The following PHF24 variants were observed in gnomAD, a reference collection of about 807,000 sequenced individuals.
PHF24 encodes PHD finger protein 24.
PHF24 carries 25 observed loss-of-function variants against 42.6 expected under a neutral mutation model. That is an observed-to-expected ratio of 0.59 (90% CI 0.43 to 0.82). The LOEUF (loss-of-function observed/expected upper bound fraction) is 0.82, where lower values mean the gene tolerates loss of function less well. Among genes scored for constraint, PHF24 ranks in the 40% least tolerant of loss-of-function variants. The pLI is 0.00. For missense variants in PHF24, 470 were observed against 538.1 expected, an observed-to-expected ratio of 0.87 and a Z score of 1.25; for synonymous variants, 185 against 204.8, an observed-to-expected ratio of 0.90 and a Z score of 0.83.
At chr9:34,843,230 T>C in the PHF24 span, among the ~76,000 whole-genome samples, 2 of 152,354 alleles carry the variant, frequency 1.3e-5, no homozygotes, top group Non-Finnish European at 2.9e-5. Context: ...AGCTCTAAAA[T>C]ATTAATGTAA....
At chr9:34,783,209 C>T in the PHF24 span, among the ~76,000 whole-genome samples, 1 of 152,262 alleles carries the variant, frequency 6.6e-6, no homozygotes, top group African/African-American at 2.4e-5. Context: ...GATGCTTCAA[C>T]CAGGACCACC....
chr9:34,796,688 TG>T, the PHF24 span, among the ~76,000 whole-genome samples: 4 of 152,208 alleles, frequency 2.6e-5, no homozygotes, highest in African/African-American at 9.7e-5. Flanking sequence ...GCAGCGCAAC[TG>T]GATCTCTCAT....
the PHF24 span, among the ~76,000 whole-genome samples, chr9:34,759,871 A>T: frequency 6.6e-6 from 1 of 152,176 alleles, no homozygotes; most frequent in Non-Finnish European, 1.5e-5. Flanking sequence ...CTGAGCCAAA[A>T]ATAGTCTCAT....
At chr9:34,919,038 A>G in the PHF24 span, among the ~76,000 whole-genome samples, 1 of 152,204 alleles carries the variant, frequency 6.6e-6, no homozygotes, top group Non-Finnish European at 1.5e-5. Context: ...ATTTAAAAAA[A>G]TTAGCTTATT....
intron 3 of PHF24, among the ~76,000 whole-genome samples, chr9:34,974,623 A>T (rs942997208): frequency 6.6e-6 from 1 of 151,984 alleles, no homozygotes; most frequent in African/African-American, 2.4e-5. Context: ...CCTGTTTCTC[A>T]GGGTTCTGTT....
chr9:34,976,875 A>G, intron 5 of PHF24, 135 bp downstream of exon 5: 1 of 907,834 alleles, frequency 1.1e-6, no homozygotes, highest in Non-Finnish European at 1.7e-6. Flanking sequence ...GGTTCCATCC[A>G]GTGACAGATG....
At chr9:34,952,374 ACC>A in the PHF24 span, among the ~76,000 whole-genome samples, 1 of 152,224 alleles carries the variant, frequency 6.6e-6, no homozygotes, top group Non-Finnish European at 1.5e-5. Flanking sequence ...ATCATAGGTG[ACC>A]TAACTAAATG....
chr9:34,903,248 G>C, the PHF24 span, among the ~76,000 whole-genome samples: 2 of 152,324 alleles, frequency 1.3e-5, no homozygotes, highest in East Asian at 3.9e-4. Context: ...TAAGCTGTTT[G>C]AAATTGCAGA....
chr9:34,925,970 G>A, the PHF24 span, among the ~76,000 whole-genome samples: 1 of 152,314 alleles, frequency 6.6e-6, no homozygotes, highest in East Asian at 1.9e-4. Context: ...ATGGGACCTG[G>A]GGTGTTGGTT....
At chr9:34,900,741 CT>C in the PHF24 span, among the ~76,000 whole-genome samples, 1 of 152,182 alleles carries the variant, frequency 6.6e-6, no homozygotes, top group South Asian at 2.1e-4. Context: ...GAGGTGGGGC[CT>C]TTTGGGAGGT....
the PHF24 span, among the ~76,000 whole-genome samples, chr9:34,943,511 C>T: frequency 2.0e-5 from 3 of 152,158 alleles, no homozygotes; most frequent in East Asian, 5.8e-4. Flanking sequence ...TCTATTAGAA[C>T]CATGAGGATG....
chr9:34,815,636 A>G, the PHF24 span, among the ~76,000 whole-genome samples: 2 of 152,132 alleles, frequency 1.3e-5, no homozygotes, highest in Non-Finnish European at 2.9e-5. Flanking sequence ...TCCTTTAATA[A>G]TTCTACTCAA....
chr9:34,791,776 A>G, the PHF24 span, among the ~76,000 whole-genome samples: 1 of 151,996 alleles, frequency 6.6e-6, no homozygotes, highest in South Asian at 2.1e-4. Context: ...AGAGCATGTA[A>G]GATGTAGACT....
At chr9:34,761,858 C>A in the PHF24 span, among the ~76,000 whole-genome samples, 44 of 152,306 alleles carry the variant, frequency 2.9e-4, no homozygotes, top group African/African-American at 1.0e-3. Flanking sequence ...CCCCCTACCC[C>A]ACAACAGTCC....
chr9:34,750,904 G>C, the PHF24 span, among the ~76,000 whole-genome samples: 5 of 152,110 alleles, frequency 3.3e-5, no homozygotes, highest in Non-Finnish European at 7.4e-5. Flanking sequence ...CATTGAATGT[G>C]AATGGACTAA....
At chr9:34,862,634 C>T in the PHF24 span, among the ~76,000 whole-genome samples, 5 of 152,030 alleles carry the variant, frequency 3.3e-5, no homozygotes, top group African/African-American at 1.2e-4. Context: ...CCTTGAATAA[C>T]CAGCAGCAAT....
the PHF24 span, among the ~76,000 whole-genome samples, chr9:34,767,853 C>T: frequency 6.6e-5 from 10 of 152,228 alleles, no homozygotes; most frequent in Admixed American, 5.2e-4. Context: ...CTTGGCTGCC[C>T]CCATTGTCAG....
chr9:34,978,371 C>T, exon 8 of PHF24: 1 of 505,588 alleles, frequency 2.0e-6, no homozygotes, highest in Middle Eastern at 4.6e-4. Context: ...ATAGACGGGA[C>T]CTGCCACCAC....
chr9:34,768,128 T>C, the PHF24 span, among the ~76,000 whole-genome samples: 1 of 152,212 alleles, frequency 6.6e-6, no homozygotes, highest in Non-Finnish European at 1.5e-5. Flanking sequence ...TACTACATTA[T>C]TTCACTGGAC....
Sources: allele counts gnomAD v4.1 joint callset (sites outside exome capture counted in the v4.1 genomes callset), GRCh38; gene constraint gnomAD v4.1.1; transcripts MANE v1.5; gene names NCBI Gene and HGNC (gene_info 2026-07-23, HGNC 2026-07-21).